CLVS1: variants seen among roughly 807,000 people sequenced by gnomAD.
The protein encoded by CLVS1 is clavesin 1, also known as clavesin-1.
In CLVS1, 10 loss-of-function variants were observed where a neutral mutation model predicts 33.1. The ratio of observed to expected loss-of-function variants is 0.30; its 90% CI spans 0.19 to 0.51. CLVS1 has a LOEUF of 0.51. CLVS1 is among the 20% of genes least tolerant of loss of function. The pLI is 0.97. For synonymous variants in CLVS1, 163 were observed against 166.1 expected, an observed-to-expected ratio of 0.98 and a Z score of 0.14; for missense variants, 343 against 433.4, an observed-to-expected ratio of 0.79 and a Z score of 1.85.
chr8:61,312,557 A>G (rs1399005381), intron 2 of CLVS1, among the ~76,000 whole-genome samples: 4 of 152,090 alleles, frequency 2.6e-5, no homozygotes, highest in Non-Finnish European at 4.4e-5. Flanking sequence ...CCTATCTCCA[A>G]TAGTCCCTGA....
At chr8:61,326,386 C>A (rs1811385936) in intron 2 of CLVS1, among the ~76,000 whole-genome samples, 1 of 152,270 alleles carries the variant, frequency 6.6e-6, no homozygotes, top group East Asian at 1.9e-4. Context: ...CTTAGCTTAC[C>A]TGCAAGAGAT....
chr8:61,294,118 G>A (rs1341780915), intron 1 of CLVS1, among the ~76,000 whole-genome samples: 1 of 152,052 alleles, frequency 6.6e-6, no homozygotes, highest in Non-Finnish European at 1.5e-5. Flanking sequence ...ATGTCCTTTA[G>A]GACTGACAGG....
At chr8:61,248,948 G>A (rs965621305) in intron 2 of CLVS1, among the ~76,000 whole-genome samples, 1 of 152,080 alleles carries the variant, frequency 6.6e-6, no homozygotes, top group Non-Finnish European at 1.5e-5. Flanking sequence ...AAGTTGTGAG[G>A]TACATGTGCA....
intron 2 of CLVS1, among the ~76,000 whole-genome samples, chr8:61,361,068 G>A (rs1812954788): frequency 6.6e-6 from 1 of 151,944 alleles, no homozygotes; most frequent in Non-Finnish European, 1.5e-5. Context: ...AAGGGGGAGG[G>A]GGTGCTACAC....
intron 1 of CLVS1, among the ~76,000 whole-genome samples, chr8:61,061,068 T>A (rs1165139076): frequency 6.6e-6 from 1 of 152,196 alleles, no homozygotes; most frequent in Non-Finnish European, 1.5e-5. Context: ...CCCTGCCTCT[T>A]TATATTCAAG....
At chr8:61,135,760 G>A (rs923983140) in intron 2 of CLVS1, among the ~76,000 whole-genome samples, 12 of 152,160 alleles carry the variant, frequency 7.9e-5, no homozygotes, top group Non-Finnish European at 1.2e-4. Flanking sequence ...ATCTTTTGCC[G>A]TGCAGAATCG....
intron 5 of CLVS1, among the ~76,000 whole-genome samples, chr8:61,480,246 C>A (rs929648637): frequency 1.3e-5 from 2 of 152,274 alleles, no homozygotes; most frequent in East Asian, 1.9e-4. Context: ...TCGAGCTTCC[C>A]GGCTGCTTTG....
intron 3 of CLVS1, among the ~76,000 whole-genome samples, chr8:61,386,347 C>T (rs566019934): frequency 2.0e-5 from 3 of 152,342 alleles, no homozygotes; most frequent in Admixed American, 6.5e-5. Context: ...CAACCCTTCT[C>T]ATCTTCTAAT....
At chr8:61,112,942 T>C (rs955842000) in intron 1 of CLVS1, among the ~76,000 whole-genome samples, 1 of 152,230 alleles carries the variant, frequency 6.6e-6, no homozygotes, top group Non-Finnish European at 1.5e-5. Flanking sequence ...TGGAAAGTTT[T>C]CGATGCTTGG....
intron 2 of CLVS1, among the ~76,000 whole-genome samples, chr8:61,245,657 G>T (rs942605962): frequency 6.6e-6 from 1 of 150,732 alleles, no homozygotes; most frequent in Non-Finnish European, 1.5e-5. Context: ...CCTCTATCCT[G>T]TTTCATTATA....
intron 1 of CLVS1, among the ~76,000 whole-genome samples, chr8:61,127,554 C>A (rs1036185723): frequency 8.6e-5 from 13 of 151,824 alleles, no homozygotes; most frequent in Admixed American, 7.9e-4. Context: ...AAAAAAAGTA[C>A]CTATACAGTG....
At chr8:61,054,735 C>T (rs1420522251), upstream of CLVS1, among the ~76,000 whole-genome samples, 1 of 152,088 alleles carries the variant, frequency 6.6e-6, no homozygotes. Context: ...ACAGGTTATT[C>T]AGGCTTCCTC....
At chr8:61,130,775 G>A (rs912405298) in intron 1 of CLVS1, among the ~76,000 whole-genome samples, 9 of 152,168 alleles carry the variant, frequency 5.9e-5, no homozygotes, top group African/African-American at 2.2e-4. Flanking sequence ...TACTGTTGGT[G>A]GAAAAAACAC....
chr8:61,174,463 ACAAAC>A (rs1807073685), intron 2 of CLVS1, among the ~76,000 whole-genome samples: 3 of 140,676 alleles, frequency 2.1e-5, no homozygotes, highest in South Asian at 4.6e-4. Flanking sequence ...AAACAAACAA[ACAAAC>A]AAAAACCATA....
At chr8:61,063,589 T>C (rs1173840045) in intron 1 of CLVS1, among the ~76,000 whole-genome samples, 1 of 152,074 alleles carries the variant, frequency 6.6e-6, no homozygotes, top group African/African-American at 2.4e-5. Flanking sequence ...TAAAGCCTAG[T>C]GGAGGTGAGG....
chr8:60,998,204 C>T, the CLVS1 span, among the ~76,000 whole-genome samples: 8 of 152,126 alleles, frequency 5.3e-5, no homozygotes, highest in African/African-American at 9.6e-5. Flanking sequence ...TAGTTGGCAG[C>T]GATTTGAGAG....
At position 61,458,549 on chromosome 8, in the gene CLVS1, C is replaced by T. The variant is rs757933689; in HGVS notation, c.977+7C>T. ...CACCCAAGCTGATGAAAAGGTAAGG[C>T]CTGGGTTATCAGAGCCCCCCCCCCA... On this transcript the variant is annotated splice_region_variant and intron_variant, in intron 5 of 5. Coordinates refer to ENST00000325897, the MANE Select transcript of CLVS1 (RefSeq NM_173519.3). The T allele has an allele frequency of 2.6e-6, 4 of 1,562,934 alleles. No homozygotes were observed. The highest frequency in any genetic ancestry group is 1.5e-5 in the African/African-American group (1 of 67,680).
chr8:61,240,364 C>T (rs1808672525), intron 2 of CLVS1, among the ~76,000 whole-genome samples: 1 of 152,194 alleles, frequency 6.6e-6, no homozygotes, highest in Admixed American at 6.5e-5. Flanking sequence ...CATCTAGTGT[C>T]AGTGCCTGGA....
chr8:61,322,119 C>A (rs1331401997), intron 2 of CLVS1, among the ~76,000 whole-genome samples: 1 of 152,128 alleles, frequency 6.6e-6, no homozygotes, highest in African/African-American at 2.4e-5. Context: ...TAACCAAGTA[C>A]CCTAAACATC....
Sources: gnomAD v4.1 joint callset for allele counts (sites outside exome capture counted in the v4.1 genomes callset) on GRCh38, gnomAD v4.1.1 for gene constraint, MANE v1.5 for transcripts, NCBI Gene and HGNC (gene_info 2026-07-23, HGNC 2026-07-21) for gene names.